Variants in WDR70 observed in about 807,000 individuals in gnomAD.
WDR70 encodes the protein WD repeat-containing protein 70.
In WDR70, 53 loss-of-function variants were observed where a neutral mutation model predicts 88.6. The observed-to-expected ratio is 0.60, with a 90% CI of 0.48 to 0.75. The LOEUF is 0.75. WDR70 is among the 30% of genes least tolerant of loss of function. WDR70 has a pLI of 0.00. For missense variants in WDR70, 610 were observed against 823.2 expected (o/e 0.74, Z 3.17); for synonymous variants, 280 against 270.0 (o/e 1.04, Z -0.36).
intron 10 of WDR70, among the ~76,000 whole-genome samples, chr5:37,650,337 C>T (rs1438028124): frequency 6.6e-6 from 1 of 151,680 alleles, no homozygotes; most frequent in Non-Finnish European, 1.5e-5. Context: ...GGAGGCAGAG[C>T]TTGCAGTTAG....
chr5:37,495,578 G>A lies in WDR70; in HGVS notation c.840+15591G>A, dbSNP rs1412052431. Among the ~76,000 whole-genome samples, 3 of 151,940 alleles carry A rather than the reference G, an allele frequency of 2.0e-5. No individual in the cohort carries two copies. In the East Asian group the frequency reaches 5.8e-4, roughly 29 times the overall value. On this transcript the variant is annotated intron_variant, in intron 8 of 17. Coordinates refer to ENST00000265107, the MANE Select transcript of WDR70 (RefSeq NM_018034.4). ...TATAGCATATTATGAGAAATAAATA[G>A]TTGCTTAATTCTTTCTTCTAGGCTA...
rs1229272861 is a variant in WDR70 at position 37,415,770 on chromosome 5, C to T, written c.492+19200C>T. The stretch of plus-strand genomic sequence containing the variant: ...CTTCTCAGACGGGGCGGCTGCCGGG[C>T]GGAGGGTCTCCTCACTTCTCAGACG... On this transcript the variant is annotated intron_variant, in intron 5 of 17. Transcript: ENST00000265107. 4.1e-5 allele frequency among the ~76,000 whole-genome samples: 6 copies of T among 146,370 alleles called. No individual in the cohort carries two copies. The South Asian group carries it at 1.1e-3, about 27-fold the overall frequency.
intron 10 of WDR70, among the ~76,000 whole-genome samples, chr5:37,625,477 C>G (rs1019720802): frequency 6.6e-6 from 1 of 151,748 alleles, no homozygotes; most frequent in African/African-American, 2.4e-5. Context: ...ATATGTATGT[C>G]GTCTTCTATC....
At chr5:37,582,574 TGTGTCA>T in intron 9 of WDR70, among the ~76,000 whole-genome samples, 1 of 152,352 alleles carries the variant, frequency 6.6e-6, no homozygotes, top group South Asian at 2.1e-4. Flanking sequence ...TACTACTAAC[TGTGTCA>T]CCATGGGCAG....
At chr5:37,434,503 T>C (rs1188565953) in intron 5 of WDR70, among the ~76,000 whole-genome samples, 1 of 152,180 alleles carries the variant, frequency 6.6e-6, no homozygotes, top group African/African-American at 2.4e-5. Context: ...GTCCTTACTG[T>C]CTTCCCCCAG....
intron 9 of WDR70, among the ~76,000 whole-genome samples, chr5:37,563,926 C>T (rs1266555375): frequency 3.3e-4 from 46 of 140,730 alleles, no homozygotes; most frequent in South Asian, 1.5e-3. Flanking sequence ...ACATCCCAGA[C>T]GGGGCGGCAG....
At chr5:37,640,478 G>T (rs573172338) in intron 10 of WDR70, among the ~76,000 whole-genome samples, 1 of 152,122 alleles carries the variant, frequency 6.6e-6, no homozygotes, top group South Asian at 2.1e-4. Flanking sequence ...GAGAATGATG[G>T]AGTTAAAAAT....
chr5:37,502,232 C>T (rs1039250473), intron 8 of WDR70, among the ~76,000 whole-genome samples: 8 of 151,716 alleles, frequency 5.3e-5, no homozygotes, highest in African/African-American at 1.9e-4. Context: ...AGAATCAGAT[C>T]TTAATTTGAT....
rs1008166217 is a variant in WDR70, at chr5:37,509,050, G to T, written c.841-7464G>T. On this transcript the variant is annotated intron_variant, in intron 8 of 17. Coordinates refer to ENST00000265107, the MANE Select transcript of WDR70 (RefSeq NM_018034.4). ...TATTATAATAGTAATATTTCTTTGG[G>T]ATCAGTACTGATATATCTCCTAATT... is the stretch of plus-strand genomic sequence containing the variant. Among the ~76,000 whole-genome samples the T allele has an allele frequency of 2.0e-5, 3 of 151,970 alleles. No individual in the cohort carries two copies. In the East Asian group the frequency reaches 5.8e-4, roughly 29 times the overall value.
At chr5:37,533,167 A>G (rs1303202291) in intron 9 of WDR70, among the ~76,000 whole-genome samples, 1 of 152,180 alleles carries the variant, frequency 6.6e-6, no homozygotes, top group Admixed American at 6.5e-5. Context: ...TAGAGGTAGC[A>G]GGGGAGTGAA....
At chr5:37,612,380 A>G (rs1561922748) in intron 10 of WDR70, among the ~76,000 whole-genome samples, 1 of 152,152 alleles carries the variant, frequency 6.6e-6, no homozygotes, top group East Asian at 1.9e-4. Flanking sequence ...ATTATATTTT[A>G]CTTCAGATTT....
At chr5:37,554,104 ACTC>A (rs904104591) in intron 9 of WDR70, among the ~76,000 whole-genome samples, 1 of 140,050 alleles carries the variant, frequency 7.1e-6, no homozygotes, top group Non-Finnish European at 1.5e-5. Flanking sequence ...TTAGTGCAAT[ACTC>A]CTTTTTTTTT....
At chr5:37,481,795 G>C (rs4463198) in intron 8 of WDR70, among the ~76,000 whole-genome samples, 1 of 151,938 alleles carries the variant, frequency 6.6e-6, no homozygotes, top group African/African-American at 2.4e-5. Context: ...TCAGGCTACA[G>C]ATTTTCTGAA....
At chr5:37,627,743 C>T (rs138625513) in intron 10 of WDR70, among the ~76,000 whole-genome samples, 97 of 152,028 alleles carry the variant, frequency 6.4e-4, no homozygotes, top group African/African-American at 2.2e-3. Flanking sequence ...TTTGAATGTT[C>T]CTCTTGTTAT....
At chr5:37,614,827 T>G (rs997806755) in intron 10 of WDR70, among the ~76,000 whole-genome samples, 1 of 152,164 alleles carries the variant, frequency 6.6e-6, no homozygotes, top group Non-Finnish European at 1.5e-5. Context: ...GGGGAAATCC[T>G]CTAACATGAA....
At chr5:37,394,603 A>C (rs780358265) in intron 4 of WDR70, among the ~76,000 whole-genome samples, 13 of 152,186 alleles carry the variant, frequency 8.5e-5, no homozygotes, top group Non-Finnish European at 1.3e-4. Context: ...AAAGGTACTT[A>C]AGGTAATGGG....
intron 17 of WDR70, among the ~76,000 whole-genome samples, chr5:37,736,613 G>GTTTTT (rs10718548): frequency 7.4e-6 from 1 of 134,570 alleles, no homozygotes; most frequent in African/African-American, 2.7e-5. Context: ...GGTGTATGTA[G>GTTTTT]TTTTTTTTTT....
intron 9 of WDR70, among the ~76,000 whole-genome samples, chr5:37,562,940 C>T (rs1053590438): frequency 6.6e-6 from 1 of 150,906 alleles, no homozygotes; most frequent in Non-Finnish European, 1.5e-5. Context: ...GTCATCATGG[C>T]CCGTTCTCAA....
At chr5:37,708,179 C>A (rs1747413342) in intron 13 of WDR70, among the ~76,000 whole-genome samples, 1 of 149,964 alleles carries the variant, frequency 6.7e-6, no homozygotes, top group African/African-American at 2.4e-5. Flanking sequence ...TCAGAATATC[C>A]CTTTCCTGTG....
Sources: allele counts gnomAD v4.1 joint callset (sites outside exome capture counted in the v4.1 genomes callset), GRCh38; gene constraint gnomAD v4.1.1; transcripts MANE v1.5; gene names NCBI Gene and HGNC (gene_info 2026-07-23, HGNC 2026-07-21).